UBN2: variants seen among roughly 807,000 people sequenced by gnomAD.
The protein encoded by UBN2 is ubinuclein-2.
In UBN2, 35 loss-of-function variants were observed where a neutral mutation model predicts 120.2. The ratio of observed to expected loss-of-function variants is 0.29; its 90% CI spans 0.22 to 0.39. The LOEUF (loss-of-function observed/expected upper bound fraction) is 0.39, where lower values mean the gene tolerates loss of function less well. UBN2 is among the 10% of genes least tolerant of loss of function. The pLI is 1.00. For synonymous variants in UBN2, 661 were observed against 648.7 expected, an observed-to-expected ratio of 1.02 and a Z score of -0.29; for missense variants, 1,693 against 1,663.2, an observed-to-expected ratio of 1.02 and a Z score of -0.31.
chr7:139,260,769 C>A (rs556689866), intron 5 of UBN2, among the ~76,000 whole-genome samples: 81 of 152,162 alleles, frequency 5.3e-4, no homozygotes, highest in Non-Finnish European at 1.0e-3. Context: ...GGAATGTAGG[C>A]TATAAGTAAT....
rs77043584 is a variant in UBN2, at chr7:139,256,248, C to T, written c.664-2240C>T. 7.6e-3 allele frequency among the ~76,000 whole-genome samples: 1,153 copies of T among 152,248 alleles called. 19 individuals carry two copies. Among genetic ancestry groups the T allele is most frequent in the African/African-American group, 0.027 (1,110 of 41,540 alleles). ...TGGAGATGAACATGTTTCACTCCCA[C>T]GTGAAGCTGCTTGGAAGAAAAAGGA... On this transcript the variant is annotated intron_variant, in intron 3 of 17. Coordinates refer to ENST00000473989, the MANE Select transcript of UBN2 (RefSeq NM_173569.4).
chr7:139,286,754 T>C (rs116545321), intron 15 of UBN2, among the ~76,000 whole-genome samples: 188 of 152,358 alleles, frequency 1.2e-3, no homozygotes, highest in African/African-American at 4.3e-3. Context: ...AAGTGCTCTT[T>C]GTACTGTCTC....
intron 3 of UBN2, among the ~76,000 whole-genome samples, chr7:139,253,225 G>A (rs188034452): frequency 3.3e-5 from 5 of 150,452 alleles, no homozygotes; most frequent in East Asian, 3.9e-4. Flanking sequence ...TACAAATAAC[G>A]GAGCATCTGG....
intron 17 of UBN2, among the ~76,000 whole-genome samples, chr7:139,296,769 T>C (rs1798120111): frequency 6.6e-6 from 1 of 152,220 alleles, no homozygotes; most frequent in Non-Finnish European, 1.5e-5. Context: ...CACACACCTG[T>C]AGTCCCACTA....
chr7:139,293,572 G>GTTTTT, intron 16 of UBN2, 109 bp downstream of exon 16: 14 of 690,044 alleles, frequency 2.0e-5, no homozygotes, highest in Non-Finnish European at 2.5e-5. Context: ...GAAGATTATA[G>GTTTTT]TTTTTTTTTT....
chr7:139,293,739 CAT>C (rs1798030789), intron 16 of UBN2, 148 bp from the exon 17 acceptor site: 1 of 705,258 alleles, frequency 1.4e-6, no homozygotes, highest in South Asian at 1.8e-5. Flanking sequence ...CATACATTAA[CAT>C]AAGTAAATTT....
At chr7:139,247,607 T>C (rs1335534501) in intron 2 of UBN2, among the ~76,000 whole-genome samples, 1 of 152,224 alleles carries the variant, frequency 6.6e-6, no homozygotes, top group Non-Finnish European at 1.5e-5. Context: ...TGTGAAATAA[T>C]AGATGATTGT....
intron 8 of UBN2, among the ~76,000 whole-genome samples, chr7:139,271,123 TATA>T (rs796271776): frequency 2.6e-4 from 40 of 152,334 alleles, no homozygotes; most frequent in African/African-American, 9.4e-4. Flanking sequence ...TCATATGTGC[TATA>T]ATATTTATTT....
chr7:139,323,471 T>G, the UBN2 span, among the ~76,000 whole-genome samples: 2 of 152,042 alleles, frequency 1.3e-5, no homozygotes, highest in Non-Finnish European at 2.9e-5. Flanking sequence ...TCCCAAATTT[T>G]TGTATGCTGC....
At chr7:139,247,134 C>T (rs1026099229) in intron 2 of UBN2, among the ~76,000 whole-genome samples, 3 of 151,130 alleles carry the variant, frequency 2.0e-5, no homozygotes, top group Admixed American at 6.6e-5. Context: ...CTACCTGATT[C>T]GCTGAGAGAG....
chr7:139,232,057 C>T (rs1396326486), intron 1 of UBN2, 105 bp downstream of exon 1: 4 of 1,169,042 alleles, frequency 3.4e-6, no homozygotes, highest in East Asian at 3.0e-5. Context: ...GCGTCCGGGT[C>T]GCCCCGAGGG....
chr7:139,261,547 G>A lies in UBN2; in HGVS notation c.1201G>A (p.Glu401Lys). 6.2e-7 allele frequency: 1 copy of A among 1,614,190 alleles called. No homozygotes were observed. Among genetic ancestry groups the A allele is most frequent in the Non-Finnish European group, 8.5e-7 (1 of 1,180,040 alleles). Residue 401 changes from glutamate to lysine, a missense_variant, in exon 6 of 18, where the codon GAG becomes AAG. By Grantham distance (56) the Glu-to-Lys change is moderately conservative. Transcript: ENST00000473989. ...ELFQEAENAL[E>K]MLDDFDFDRL... ...GTTTCAGGAAGCTGAAAATGCCCTA[G>A]AGATGCTAGATGATTTTGACTTCGA...
the UBN2 span, among the ~76,000 whole-genome samples, chr7:139,321,842 G>A: frequency 1.3e-5 from 2 of 152,192 alleles, no homozygotes; most frequent in Non-Finnish European, 2.9e-5. Flanking sequence ...AGCAAGGCCG[G>A]AGGAGGCAGT....
At position 139,258,758 on chromosome 7, in the gene UBN2, C is replaced by G. The variant is rs576366810; in HGVS notation, c.801+133C>G. ...CCATTGTGTCATGAATATATAATTA[C>G]ATGCTTTAAAATTAAATTATGTAGA... On this transcript the variant is annotated intron_variant, in intron 4 of 17. Transcript: ENST00000473989. The G allele has an allele frequency of 6.9e-6, 5 of 722,426 alleles. No homozygotes were observed. In the South Asian group the frequency reaches 1.6e-4, roughly 23 times the overall value. 44.8% of individuals were successfully genotyped at this position (722,426 alleles called of 1,614,324 possible).
chr7:139,302,262 A>G lies in UBN2; in HGVS notation c.*4426A>G, dbSNP rs1798276714. The G allele has an allele frequency of 6.6e-6, 1 of 152,204 alleles. No individual in the cohort carries two copies. The highest frequency in any genetic ancestry group is 2.4e-5 in the African/African-American group (1 of 41,440). The allele number at this position is 152,204 out of a possible 1,614,324, so 9.4% of individuals were successfully genotyped here. A position where few individuals can be genotyped will look rare whatever the true frequency, so the allele number is the denominator to read the frequency against. On this transcript the variant is annotated 3_prime_UTR_variant, in exon 18 of 18. Coordinates refer to ENST00000473989, the MANE Select transcript of UBN2 (RefSeq NM_173569.4). ...ATGGATATATGTGTAAGATACATACATTACATATATATAAAACTAGGAGCT... is the reference window on the plus strand; with the variant it reads ...ATGGATATATGTGTAAGATACATACGTTACATATATATAAAACTAGGAGCT...
chr7:139,245,263 A>G (rs898224217), intron 2 of UBN2, among the ~76,000 whole-genome samples: 3 of 152,086 alleles, frequency 2.0e-5, no homozygotes, highest in Non-Finnish European at 2.9e-5. Context: ...TTCAATGGCT[A>G]TTAACATTGA....
chr7:139,291,038 A>G (rs920769689), intron 15 of UBN2, among the ~76,000 whole-genome samples: 12 of 152,194 alleles, frequency 7.9e-5, no homozygotes, highest in Admixed American at 6.5e-4. Context: ...TTATTTTTAA[A>G]ATAGTCAACA....
the UBN2 span, among the ~76,000 whole-genome samples, chr7:139,319,842 C>CGAGGTGGGCGTATCACAAGGTCAG: frequency 6.6e-6 from 1 of 151,748 alleles, no homozygotes; most frequent in African/African-American, 2.4e-5. Context: ...TTTGGGAGGC[C>CGAGGTGGGCGTATCACAAGGTCAG]GAGGTGGGCG....
rs1269841278 is a variant in UBN2, at chr7:139,301,625, C to A, written c.*3789C>A. 6.6e-6 allele frequency: 1 copy of A among 151,926 alleles called. No individual in the cohort carries two copies. The highest frequency in any genetic ancestry group is 2.4e-5 in the African/African-American group (1 of 41,350). 9.4% of individuals were successfully genotyped at this position (151,926 alleles called of 1,614,324 possible). A position where few individuals can be genotyped will look rare whatever the true frequency, so the allele number is the denominator to read the frequency against. ...TAGGATACTTTATTTTAGGAGTGTA[C>A]CGTAAAAGCACACTGGTCCCTTTGT... On this transcript the variant is annotated 3_prime_UTR_variant, in exon 18 of 18. Transcript: ENST00000473989.
Sources: gnomAD v4.1 joint callset for allele counts (sites outside exome capture counted in the v4.1 genomes callset) on GRCh38, gnomAD v4.1.1 for gene constraint, MANE v1.5 for transcripts, NCBI Gene and HGNC (gene_info 2026-07-23, HGNC 2026-07-21) for gene names.